TNNI3K: variants seen among roughly 807,000 people sequenced by gnomAD.
TNNI3K encodes the protein serine/threonine-protein kinase TNNI3K.
In TNNI3K, 140 loss-of-function variants were observed where a neutral mutation model predicts 114.5. That is an observed-to-expected ratio of 1.22 (90% CI 1.07 to 1.41). TNNI3K has a LOEUF of 1.41. Ranked by LOEUF, TNNI3K falls within the 40% of genes most tolerant of loss-of-function variation. TNNI3K has a pLI of 0.00. For synonymous variants in TNNI3K, 347 were observed against 347.5 expected, an observed-to-expected ratio of 1.00 and a Z score of 0.02; for missense variants, 1,125 against 1,007.6, an observed-to-expected ratio of 1.12 and a Z score of -1.58.
At chr1:74,356,857 T>A (rs1266129406) in intron 11 of TNNI3K, among the ~76,000 whole-genome samples, 3 of 152,190 alleles carry the variant, frequency 2.0e-5, no homozygotes, top group Non-Finnish European at 4.4e-5. Flanking sequence ...TTGTTCAAAC[T>A]AATGTGCCAG....
At chr1:74,454,454 A>G (rs1667149779) in intron 20 of TNNI3K, among the ~76,000 whole-genome samples, 1 of 152,108 alleles carries the variant, frequency 6.6e-6, no homozygotes, top group African/African-American at 2.4e-5. Context: ...CCCACATATG[A>G]GCGAGAACAT....
At chr1:74,264,158 T>C (rs887501097) in intron 4 of TNNI3K, among the ~76,000 whole-genome samples, 5 of 151,440 alleles carry the variant, frequency 3.3e-5, no homozygotes, top group African/African-American at 1.2e-4. Context: ...TTACTTCTCT[T>C]TTTTTCTTTT....
At chr1:74,365,226 T>A (rs1438304863) in intron 11 of TNNI3K, among the ~76,000 whole-genome samples, 1 of 152,078 alleles carries the variant, frequency 6.6e-6, no homozygotes, top group Non-Finnish European at 1.5e-5. Flanking sequence ...TAGATGACGA[T>A]CTTTTTAAAA....
chr1:74,472,392 T>G (rs923137226), intron 21 of TNNI3K, among the ~76,000 whole-genome samples: 4 of 152,286 alleles, frequency 2.6e-5, no homozygotes, highest in Admixed American at 2.6e-4. Flanking sequence ...AATGACACTC[T>G]TTATGGTCAC....
At chr1:74,463,389 G>C (rs1667532369) in intron 20 of TNNI3K, 52 bp from the exon 21 acceptor site, 10 of 1,586,134 alleles carry the variant, frequency 6.3e-6, no homozygotes, top group Non-Finnish European at 7.8e-6. Flanking sequence ...TTCATTTGTT[G>C]CTTGAAATAA....
intron 23 of TNNI3K, among the ~76,000 whole-genome samples, chr1:74,502,279 C>T (rs1366879220): frequency 1.3e-5 from 2 of 152,066 alleles, no homozygotes; most frequent in Admixed American, 1.3e-4. Flanking sequence ...AGAACAGTGC[C>T]CGGTACATGG....
chr1:74,384,010 C>T (rs1185022179), intron 17 of TNNI3K, among the ~76,000 whole-genome samples: 1 of 151,958 alleles, frequency 6.6e-6, no homozygotes, highest in African/African-American at 2.4e-5. Flanking sequence ...CCCCACAAAA[C>T]AGGAACAGTA....
intron 20 of TNNI3K, among the ~76,000 whole-genome samples, chr1:74,458,708 A>C (rs573637173): frequency 1.1e-3 from 173 of 152,318 alleles, no homozygotes; most frequent in Non-Finnish European, 1.9e-3. Flanking sequence ...ATATACCAGA[A>C]TTTATATGAG....
chr1:74,482,440 G>A (rs1668552554), intron 21 of TNNI3K, among the ~76,000 whole-genome samples: 1 of 152,186 alleles, frequency 6.6e-6, no homozygotes, highest in African/African-American at 2.4e-5. Flanking sequence ...TAGATGGTGA[G>A]AGTTTAGTGT....
At chr1:74,459,328 G>A (rs1165655600) in intron 20 of TNNI3K, among the ~76,000 whole-genome samples, 1 of 152,134 alleles carries the variant, frequency 6.6e-6, no homozygotes, top group Non-Finnish European at 1.5e-5. Context: ...AGGCATTTAT[G>A]ATCTATATGC....
At chr1:74,485,405 CA>C (rs1327038917) in intron 21 of TNNI3K, among the ~76,000 whole-genome samples, 1 of 152,150 alleles carries the variant, frequency 6.6e-6, no homozygotes, top group Non-Finnish European at 1.5e-5. Context: ...GGTTCAGGGG[CA>C]AACCAGAGAT....
At chr1:74,405,600 A>G (rs1664576938) in intron 17 of TNNI3K, among the ~76,000 whole-genome samples, 1 of 152,204 alleles carries the variant, frequency 6.6e-6, no homozygotes, top group Non-Finnish European at 1.5e-5. Context: ...AAAAGCACCA[A>G]GGATTATCTC....
intron 2 of TNNI3K, among the ~76,000 whole-genome samples, chr1:74,239,245 A>C (rs1654039758): frequency 6.6e-6 from 1 of 152,116 alleles, no homozygotes; most frequent in African/African-American, 2.4e-5. Flanking sequence ...AATTGCTTCC[A>C]GGGCAGAGTT....
intron 9 of TNNI3K, 138 bp downstream of exon 9, chr1:74,343,317 A>G: frequency 1.1e-6 from 1 of 945,540 alleles, no homozygotes; most frequent in Admixed American, 2.7e-5. Context: ...GCAGAGGACA[A>G]AGAGCCAGAG....
At chr1:74,464,662 G>C (rs1374397821) in intron 21 of TNNI3K, 1 of 1,595,512 alleles carries the variant, frequency 6.3e-7, no homozygotes. Flanking sequence ...TCATTACCCA[G>C]TCTCATCTGT....
rs529318715 is a variant in TNNI3K at position 74,374,724 on chromosome 1, GT to G, written c.1772+4335del. On this transcript the variant is annotated intron_variant, in intron 17 of 24. Coordinates refer to ENST00000326637, the MANE Select transcript of TNNI3K (RefSeq NM_015978.3). ...AGATAGGTTTTGTTTGGCCCATAGT[GT>G]TTAAATATTTTGAAAATGTTCATAA... is the stretch of plus-strand genomic sequence containing the variant. 158 of 152,034 alleles carry G rather than the reference GT, an allele frequency of 1.0e-3. 1 individual carries two copies. The highest frequency in any genetic ancestry group is 3.7e-3 in the African/African-American group (153 of 41,506). 9.4% of individuals were successfully genotyped at this position (152,034 alleles called of 1,614,324 possible). A position where few individuals can be genotyped will look rare whatever the true frequency, so the allele number is the denominator to read the frequency against.
chr1:74,417,473 T>A (rs1308027165), intron 17 of TNNI3K, among the ~76,000 whole-genome samples: 1 of 152,092 alleles, frequency 6.6e-6, no homozygotes, highest in African/African-American at 2.4e-5. Context: ...CTGAAATTTT[T>A]CTCCCTAATC....
chr1:74,241,689 T>C (rs1337459678), intron 2 of TNNI3K, among the ~76,000 whole-genome samples: 1 of 152,158 alleles, frequency 6.6e-6, no homozygotes, highest in African/African-American at 2.4e-5. Flanking sequence ...CTTTGTCAGA[T>C]GAGTAGATTG....
At chr1:74,538,706 G>T (rs1267509729) in intron 23 of TNNI3K, among the ~76,000 whole-genome samples, 1 of 152,134 alleles carries the variant, frequency 6.6e-6, no homozygotes, top group African/African-American at 2.4e-5. Flanking sequence ...TGCAGAGGAG[G>T]CAGTCATAGA....
Sources: allele counts gnomAD v4.1 joint callset (sites outside exome capture counted in the v4.1 genomes callset), GRCh38; gene constraint gnomAD v4.1.1; transcripts MANE v1.5; gene names NCBI Gene and HGNC (gene_info 2026-07-23, HGNC 2026-07-21).